The following ATL1 variants were observed in gnomAD, a reference collection of about 807,000 sequenced individuals.
ATL1 encodes atlastin GTPase 1.
A neutral mutation model predicts 75.5 loss-of-function variants in ATL1; 31 were observed. That is an observed-to-expected ratio of 0.41 (90% CI 0.31 to 0.55). The LOEUF is 0.55. ATL1 is among the 20% of genes least tolerant of loss of function. The pLI is 0.27. For synonymous variants in ATL1, 226 were observed against 233.3 expected (o/e 0.97, Z 0.28); for missense variants, 405 against 662.6 (o/e 0.61, Z 4.27).
At chr14:50,573,691 T>A (rs2038975367) in intron 1 of ATL1, among the ~76,000 whole-genome samples, 5 of 152,216 alleles carry the variant, frequency 3.3e-5, no homozygotes, top group Admixed American at 3.3e-4. Flanking sequence ...GATTTTGGAC[T>A]GCTTTATCTA....
chr14:50,596,989 T>C (rs1377832016), intron 6 of ATL1, among the ~76,000 whole-genome samples: 2 of 151,780 alleles, frequency 1.3e-5, no homozygotes, highest in Non-Finnish European at 2.9e-5. Context: ...GTGGGTGGAT[T>C]GCTTGAGGTC....
intron 1 of ATL1, chr14:50,533,499 A>G (rs1021562562): frequency 6.6e-6 from 1 of 152,154 alleles, no homozygotes; most frequent in Non-Finnish European, 1.5e-5. Context: ...GAGTTCGGGG[A>G]AGTAATTTGG....
In ATL1 at chr14:50,535,811, G is replaced by A. The variant is rs146127367; in HGVS notation, c.-140+2444G>A. ...ATCAGATATGTTACTGATATGGTTT[G>A]TCTGTGTCCCCACCCAAATCTCATC... On this transcript the variant is annotated intron_variant, in intron 1 of 13. Transcript: ENST00000441560. Among the ~76,000 whole-genome samples, 889 of 152,298 alleles carry A rather than the reference G, an allele frequency of 5.8e-3. 9 individuals carry two copies. The highest frequency in any genetic ancestry group is 0.02 in the African/African-American group (838 of 41,564).
chr14:50,588,747 G>T (rs1038423546), intron 2 of ATL1, among the ~76,000 whole-genome samples: 2 of 152,062 alleles, frequency 1.3e-5, no homozygotes, highest in Non-Finnish European at 2.9e-5. Flanking sequence ...ACAAAAATTA[G>T]CTGGGTATGT....
chr14:50,595,712 T>A (rs951327284), intron 6 of ATL1, 80 bp downstream of exon 6: 1 of 1,296,104 alleles, frequency 7.7e-7, no homozygotes, highest in Non-Finnish European at 1.1e-6. Context: ...TAGGGTCATG[T>A]TTCCTTCTCT....
At chr14:50,597,802 C>T (rs1292477186) in intron 6 of ATL1, among the ~76,000 whole-genome samples, 2 of 152,146 alleles carry the variant, frequency 1.3e-5, no homozygotes, top group African/African-American at 4.8e-5. Context: ...TCACGCCATT[C>T]TCCTGCCTCA....
chr14:50,592,767 C>T (rs1057268738), intron 4 of ATL1, among the ~76,000 whole-genome samples: 1 of 150,822 alleles, frequency 6.6e-6, no homozygotes, highest in South Asian at 2.1e-4. Flanking sequence ...AAAAATTAGC[C>T]GGGCATGGTG....
At chr14:50,615,172 C>G (rs1161994428) in intron 8 of ATL1, among the ~76,000 whole-genome samples, 1 of 152,110 alleles carries the variant, frequency 6.6e-6, no homozygotes, top group African/African-American at 2.4e-5. Context: ...TAATCTTTCC[C>G]AAAAGATATC....
At chr14:50,590,470 CTGCT>C (rs113263408) in intron 2 of ATL1, among the ~76,000 whole-genome samples, 5,309 of 152,184 alleles carry the variant, frequency 0.035, 96 homozygotes, top group Middle Eastern at 0.058. Context: ...GCCTGCCTGC[CTGCT>C]TGCCTTCCTT....
chr14:50,632,035 A>C (rs1274097609), intron 13 of ATL1, 194 bp from the exon 14 acceptor site: 1 of 452,570 alleles, frequency 2.2e-6, no homozygotes, highest in African/African-American at 2.0e-5. Context: ...ACAGGTCAAC[A>C]CACAAAAGTG....
chr14:50,560,420 G>C lies in ATL1; in HGVS notation c.34+121G>C, dbSNP rs566356232. 2.9e-5 allele frequency: 39 copies of C among 1,331,216 alleles called. No individual in the cohort carries two copies. The East Asian group carries it at 8.8e-4, about 30-fold the overall frequency. The allele number at this position is 1,331,216 out of a possible 1,614,324, so 82.5% of individuals were successfully genotyped here. ...GTGCCTGCGTCCACGGCTGGGAGACGGGCCGTAGCCGAGCCGCTCCCTGTT... is the reference window on the plus strand; with the variant it reads ...GTGCCTGCGTCCACGGCTGGGAGACCGGCCGTAGCCGAGCCGCTCCCTGTT... On this transcript the variant is annotated intron_variant, in intron 1 of 13. Coordinates refer to ENST00000358385, the MANE Select transcript of ATL1 (RefSeq NM_015915.5).
rs2039543483 is a variant in ATL1, at chr14:50,628,405, A to G, written c.1494A>G (p.Gly498=). 6.2e-7 allele frequency: 1 copy of G among 1,614,014 alleles called. No homozygotes were observed. The highest frequency in any genetic ancestry group is 8.5e-7 in the Non-Finnish European group (1 of 1,180,036). The change falls in exon 12 of 14, where the codon GGA becomes GGG. Residue 498 remains glycine, a synonymous_variant. Coordinates refer to ENST00000358385, the MANE Select transcript of ATL1 (RefSeq NM_015915.5). ...CTTGGGCATATATCCGGTACTCTGG[A>G]GAATACCGAGAGCTGGGAGCTGTAA... ...LCTWAYIRYS[G]EYRELGAVID...
At chr14:50,555,312 C>T (rs142585882), upstream of ATL1, among the ~76,000 whole-genome samples, 48 of 152,308 alleles carry the variant, frequency 3.2e-4, no homozygotes, top group Non-Finnish European at 6.5e-4. Flanking sequence ...GACGGAGTCT[C>T]GCTCTGTCAC....
chr14:50,625,937 T>C (rs1287450741), intron 11 of ATL1, among the ~76,000 whole-genome samples: 2 of 151,736 alleles, frequency 1.3e-5, no homozygotes, highest in Non-Finnish European at 2.9e-5. Context: ...ATGCTATACC[T>C]ACTCGTTTGT....
chr14:50,596,879 G>T (rs899868298), intron 6 of ATL1, among the ~76,000 whole-genome samples: 4 of 152,066 alleles, frequency 2.6e-5, no homozygotes, highest in Non-Finnish European at 5.9e-5. Context: ...TATTAGAGAA[G>T]AAGAAAGGCA....
At chr14:50,619,760 CATT>C (rs2039449488) in intron 8 of ATL1, among the ~76,000 whole-genome samples, 1 of 152,148 alleles carries the variant, frequency 6.6e-6, no homozygotes, top group Admixed American at 6.5e-5. Flanking sequence ...GAGGTAGCAT[CATT>C]GTCACTATCT....
chr14:50,562,505 G>C (rs994385205), intron 1 of ATL1, among the ~76,000 whole-genome samples: 1 of 152,178 alleles, frequency 6.6e-6, no homozygotes, highest in African/African-American at 2.4e-5. Flanking sequence ...CTAGAAATCT[G>C]CCTTTTAATT....
At chr14:50,599,762 A>G (rs1036443828) in intron 6 of ATL1, among the ~76,000 whole-genome samples, 6 of 152,142 alleles carry the variant, frequency 3.9e-5, no homozygotes, top group African/African-American at 7.2e-5. Flanking sequence ...TATATATTAA[A>G]GTGAATGTGG....
chr14:50,621,764 A>T lies in ATL1; in HGVS notation c.991-79A>T. ...GAAAATATTTTTTGAAATGTCAAGA[A>T]CTTAGAATGCAATTTCATAGAATTA... On this transcript the variant is annotated intron_variant, in intron 9 of 13. Coordinates refer to ENST00000358385, the MANE Select transcript of ATL1 (RefSeq NM_015915.5). 3 of 880,122 alleles carry T rather than the reference A, an allele frequency of 3.4e-6. No individual in the cohort carries two copies. The South Asian group carries it at 4.4e-5, about 13-fold the overall frequency. The allele number at this position is 880,122 out of a possible 1,614,324, so 54.5% of individuals were successfully genotyped here.
Sources: gnomAD v4.1 joint callset for allele counts (sites outside exome capture counted in the v4.1 genomes callset) on GRCh38, gnomAD v4.1.1 for gene constraint, MANE v1.5 for transcripts, NCBI Gene and HGNC (gene_info 2026-07-23, HGNC 2026-07-21) for gene names.